Variants in APBB2 observed in about 807,000 individuals in gnomAD.
APBB2 encodes amyloid beta precursor protein binding family B member 2.
In APBB2, 38 loss-of-function variants were observed where a neutral mutation model predicts 82.5. The observed-to-expected ratio is 0.46, with a 90% CI of 0.36 to 0.60. The LOEUF (loss-of-function observed/expected upper bound fraction) is 0.60. APBB2 is among the 20% of genes least tolerant of loss of function. The pLI is 0.00. For synonymous variants in APBB2, 341 were observed against 368.2 expected (o/e 0.93, Z 0.85); for missense variants, 772 against 972.3 (o/e 0.79, Z 2.74).
intron 3 of APBB2, among the ~76,000 whole-genome samples, chr4:41,093,504 C>T (rs1333137686): frequency 6.6e-6 from 1 of 152,098 alleles, no homozygotes; most frequent in Non-Finnish European, 1.5e-5. Context: ...ATGATCACAA[C>T]CTGTTTTCTT....
At chr4:41,109,124 C>T (rs1424450176) in intron 2 of APBB2, among the ~76,000 whole-genome samples, 3 of 152,106 alleles carry the variant, frequency 2.0e-5, no homozygotes, top group South Asian at 2.1e-4. Context: ...CTACAGGTCC[C>T]GCACCATGGT....
chr4:40,999,427 G>A (rs1490780901), intron 6 of APBB2, among the ~76,000 whole-genome samples: 1 of 152,122 alleles, frequency 6.6e-6, no homozygotes, highest in Non-Finnish European at 1.5e-5. Flanking sequence ...TGGGCAAAGA[G>A]TGACAGACAA....
At chr4:41,052,193 C>T (rs1312738617) in intron 4 of APBB2, among the ~76,000 whole-genome samples, 1 of 128,562 alleles carries the variant, frequency 7.8e-6, no homozygotes, top group Non-Finnish European at 1.7e-5. Context: ...CATAGCAAGA[C>T]CTTGTCTGTA....
chr4:40,993,859 G>A (rs1220564380), intron 6 of APBB2, among the ~76,000 whole-genome samples: 1 of 152,156 alleles, frequency 6.6e-6, no homozygotes, highest in Non-Finnish European at 1.5e-5. Flanking sequence ...AACTAAAGCA[G>A]TTCCTGTGTC....
intron 3 of APBB2, among the ~76,000 whole-genome samples, chr4:41,067,207 C>A (rs887090557): frequency 6.6e-6 from 1 of 152,080 alleles, no homozygotes; most frequent in African/African-American, 2.4e-5. Context: ...GTCGGGAGTT[C>A]GGGACCAGCC....
intron 10 of APBB2, among the ~76,000 whole-genome samples, chr4:40,924,571 AC>A (rs1341440921): frequency 6.6e-6 from 1 of 152,114 alleles, no homozygotes; most frequent in East Asian, 1.9e-4. Flanking sequence ...ACAACTGCCT[AC>A]CCAGAGACCA....
chr4:40,923,723 T>C (rs1330747813), intron 10 of APBB2, among the ~76,000 whole-genome samples: 2 of 152,238 alleles, frequency 1.3e-5, no homozygotes, highest in Middle Eastern at 3.2e-3. Flanking sequence ...TCCAGGCATC[T>C]GCCCATCAGA....
At chr4:41,174,900 T>C (rs1202081681) in intron 1 of APBB2, among the ~76,000 whole-genome samples, 2 of 152,226 alleles carry the variant, frequency 1.3e-5, no homozygotes, top group Non-Finnish European at 2.9e-5. Flanking sequence ...TGAAGATGAA[T>C]TTTGACACGA....
At chr4:40,894,912 G>A (rs1773234055) in intron 10 of APBB2, among the ~76,000 whole-genome samples, 1 of 152,138 alleles carries the variant, frequency 6.6e-6, no homozygotes, top group Non-Finnish European at 1.5e-5. Flanking sequence ...TGCATCCCTG[G>A]TCCCATGCAA....
At chr4:41,150,597 G>C (rs965669791) in intron 1 of APBB2, among the ~76,000 whole-genome samples, 1 of 152,128 alleles carries the variant, frequency 6.6e-6, no homozygotes, top group Non-Finnish European at 1.5e-5. Flanking sequence ...GCCTTCCCCA[G>C]TATAGCAACA....
intron 6 of APBB2, among the ~76,000 whole-genome samples, chr4:40,945,883 C>T (rs1390226366): frequency 1.3e-5 from 2 of 152,230 alleles, no homozygotes; most frequent in South Asian, 2.1e-4. Context: ...GCTGGGACTA[C>T]AGGCGTGAGC....
Position 40,819,432 on chromosome 4 carries a change from C to T in APBB2, c.2112+2439G>A, listed in dbSNP as rs575411156. Among the ~76,000 whole-genome samples, 8 of 152,054 alleles carry T rather than the reference C, an allele frequency of 5.3e-5. No individual in the cohort carries two copies. In the East Asian group the frequency reaches 7.7e-4, roughly 15 times the overall value. On this transcript the variant is annotated intron_variant, in intron 17 of 17. Transcript: ENST00000508593. Reference sequence around the variant, plus strand: ...ACCTCCTGACCTCAAGTGATCCGCCCGCCTCAGCCTCCCAAAGTATTGGGA... The same window carrying T: ...ACCTCCTGACCTCAAGTGATCCGCCTGCCTCAGCCTCCCAAAGTATTGGGA...
chr4:41,181,287 C>A (rs1225456247), intron 1 of APBB2, among the ~76,000 whole-genome samples: 4 of 152,162 alleles, frequency 2.6e-5, no homozygotes, highest in Non-Finnish European at 5.9e-5. Context: ...TTGTTTCACG[C>A]TACTCTTTCG....
chr4:40,941,398 C>T (rs1052503998), intron 7 of APBB2, among the ~76,000 whole-genome samples: 1 of 152,162 alleles, frequency 6.6e-6, no homozygotes. Context: ...GACATAGCCT[C>T]CCTTAGGGTG....
chr4:40,962,744 A>G (rs73152335), intron 6 of APBB2, among the ~76,000 whole-genome samples: 12,703 of 151,704 alleles, frequency 0.084, 576 homozygotes, highest in Middle Eastern at 0.14. Flanking sequence ...GGGAAGGAGG[A>G]AGGGAGGGAT....
chr4:41,029,581 A>G (rs1278563857), intron 5 of APBB2, among the ~76,000 whole-genome samples: 1 of 152,214 alleles, frequency 6.6e-6, no homozygotes, highest in Non-Finnish European at 1.5e-5. Context: ...GATTTAAGAC[A>G]GATGTATCAC....
intron 6 of APBB2, among the ~76,000 whole-genome samples, chr4:41,001,653 G>A (rs1379202250): frequency 1.3e-5 from 2 of 152,158 alleles, no homozygotes; most frequent in African/African-American, 2.4e-5. Context: ...CAAGGCAGGC[G>A]GATCACCTAC....
intron 10 of APBB2, among the ~76,000 whole-genome samples, chr4:40,898,413 G>A (rs776104137): frequency 4.0e-5 from 6 of 151,718 alleles, no homozygotes; most frequent in Non-Finnish European, 7.4e-5. Flanking sequence ...ACAGGCATGC[G>A]CCACCACGCC....
At chr4:41,023,001 A>C (rs1579318795) in intron 5 of APBB2, among the ~76,000 whole-genome samples, 2 of 152,318 alleles carry the variant, frequency 1.3e-5, no homozygotes, top group South Asian at 2.1e-4. Context: ...TTAAAATAAA[A>C]TCCTTTAATA....
Sources: gnomAD v4.1 joint callset for allele counts (sites outside exome capture counted in the v4.1 genomes callset) on GRCh38, gnomAD v4.1.1 for gene constraint, MANE v1.5 for transcripts, NCBI Gene and HGNC (gene_info 2026-07-23, HGNC 2026-07-21) for gene names.